Variants in CTNNBIP1 observed in about 807,000 individuals in gnomAD.
CTNNBIP1 encodes beta-catenin-interacting protein 1.
In CTNNBIP1, 7 loss-of-function variants were observed where a neutral mutation model predicts 11.8. The ratio of observed to expected loss-of-function variants is 0.60; its 90% CI spans 0.34 to 1.12. The LOEUF (loss-of-function observed/expected upper bound fraction) is 1.12. Ranked by LOEUF, CTNNBIP1 falls within the 50% of genes most tolerant of loss-of-function variation. CTNNBIP1 has a pLI of 0.03. For missense variants in CTNNBIP1, 101 were observed against 113.4 expected (o/e 0.89, Z 0.50); for synonymous variants, 58 against 43.9 (o/e 1.32, Z -1.26).
chr1:9,870,588 T>C (rs1638840394), intron 5 of CTNNBIP1, among the ~76,000 whole-genome samples: 2 of 152,212 alleles, frequency 1.3e-5, no homozygotes, highest in African/African-American at 4.8e-5. Context: ...CTACCTACAA[T>C]AGAATGAAAC....
intron 1 of CTNNBIP1, among the ~76,000 whole-genome samples, chr1:9,887,436 G>T (rs1384856915): frequency 2.0e-5 from 3 of 152,204 alleles, no homozygotes; most frequent in Non-Finnish European, 2.9e-5. Context: ...AAAAATGTGG[G>T]CCGGGCACAG....
At chr1:9,873,119 G>A (rs1333090892) in intron 3 of CTNNBIP1, among the ~76,000 whole-genome samples, 1 of 152,148 alleles carries the variant, frequency 6.6e-6, no homozygotes, top group Non-Finnish European at 1.5e-5. Flanking sequence ...CCAGAGCCCG[G>A]GCAGCAGCCT....
At chr1:9,897,331 G>A (rs1450726245) in intron 1 of CTNNBIP1, among the ~76,000 whole-genome samples, 1 of 152,146 alleles carries the variant, frequency 6.6e-6, no homozygotes, top group Admixed American at 6.5e-5. Context: ...GCGGGTGCCT[G>A]TAGTCCCAGC....
chr1:9,886,130 C>T (rs888596768), intron 1 of CTNNBIP1, among the ~76,000 whole-genome samples: 2 of 151,316 alleles, frequency 1.3e-5, no homozygotes, highest in Non-Finnish European at 1.5e-5. Flanking sequence ...CTCAGCTTCT[C>T]GCCTCTTCTC....
In CTNNBIP1 at chr1:9,851,599, C is replaced by T. The variant is rs1420116628; in HGVS notation, c.188-823G>A. Among the ~76,000 whole-genome samples, 2 of 152,200 alleles carry T rather than the reference C, an allele frequency of 1.3e-5. No individual in the cohort carries two copies. The highest frequency in any genetic ancestry group is 4.8e-5 in the African/African-American group (2 of 41,444). The stretch of plus-strand genomic sequence containing the variant: ...TGTTGGTCAGGCTGGTCTCAAACTC[C>T]TGACCTCATGATCCACCCACCTCGG... On this transcript the variant is annotated intron_variant, in intron 5 of 5. Transcript: ENST00000377263. The surrounding 1 kb of genome is among the most constrained non-coding windows in gnomAD (Gnocchi z 4.8).
At position 9,881,037 on chromosome 1, in the gene CTNNBIP1, C is replaced by CT. The variant is rs202036809; in HGVS notation, c.-110+2667dup. Among the ~76,000 whole-genome samples the CT allele has an allele frequency of 2.9e-3, 442 of 151,582 alleles. 3 individuals are homozygous for CT. The highest frequency in any genetic ancestry group is 9.8e-3 in the African/African-American group (405 of 41,334). On this transcript the variant is annotated intron_variant, in intron 2 of 5. Transcript: ENST00000377263. ...GTTCTACTCTCACCATCTTTAAATT[C>CT]TTTTTTTTTCTTTTGAGAGAGAGGG...
rs1639120982 is a variant in CTNNBIP1 at position 9,883,288 on chromosome 1, G to C, written c.-110+417C>G. Among the ~76,000 whole-genome samples, 1 of 152,234 alleles carries C rather than the reference G, an allele frequency of 6.6e-6. No individual in the cohort carries two copies. The highest frequency in any genetic ancestry group is 1.5e-5 in the Non-Finnish European group (1 of 68,036). On this transcript the variant is annotated intron_variant, in intron 2 of 5. Coordinates refer to ENST00000377263, the MANE Select transcript of CTNNBIP1 (RefSeq NM_020248.3). The surrounding 1 kb of genome is among the most constrained non-coding windows in gnomAD (Gnocchi z 5.6). ...GAAGCCCTGTGTGAGATGTGTGGAA[G>C]GGCAGGTGGGACACCACAGGCAGGA...
intron 1 of CTNNBIP1, among the ~76,000 whole-genome samples, chr1:9,890,273 T>C (rs971517554): frequency 6.6e-6 from 1 of 152,090 alleles, no homozygotes; most frequent in African/African-American, 2.4e-5. Context: ...CCTGAGGAAG[T>C]TTCCTTGGCT....
chr1:9,905,410 T>G (rs1639596961), intron 1 of CTNNBIP1, among the ~76,000 whole-genome samples: 1 of 151,814 alleles, frequency 6.6e-6, no homozygotes, highest in South Asian at 2.1e-4. Context: ...CCCCCGTATC[T>G]CTTTCACCAC....
rs1229988746 is a variant in CTNNBIP1 at position 9,878,810 on chromosome 1, A to G, written c.-109-821T>C. ...GCTGGGGTGCAAGACCCAGTACCTCACATCTCCAAGGCATGTATCAATCAT... is the reference window on the plus strand; with the variant it reads ...GCTGGGGTGCAAGACCCAGTACCTCGCATCTCCAAGGCATGTATCAATCAT... On this transcript the variant is annotated intron_variant, in intron 2 of 5. Transcript: ENST00000377263. 2.0e-5 allele frequency among the ~76,000 whole-genome samples: 3 copies of G among 152,228 alleles called. No individual in the cohort carries two copies. In the East Asian group the frequency reaches 5.8e-4, roughly 29 times the overall value.
chr1:9,873,210 G>A (rs1181319653), intron 3 of CTNNBIP1, among the ~76,000 whole-genome samples: 1 of 152,156 alleles, frequency 6.6e-6, no homozygotes, highest in African/African-American at 2.4e-5. Flanking sequence ...TAAGCTAATA[G>A]CAGCTGCATG....
chr1:9,889,036 G>A lies in CTNNBIP1; in HGVS notation c.-143-5298C>T, dbSNP rs150794919. Among the ~76,000 whole-genome samples the A allele has an allele frequency of 1.6e-3, 245 of 152,296 alleles. 1 individual carries two copies. The highest frequency in any genetic ancestry group is 2.8e-3 in the Non-Finnish European group (190 of 68,018). On this transcript the variant is annotated intron_variant, in intron 1 of 5. Transcript: ENST00000377263. ...GAGGGAGGCGCCTGGAACCACTGGG[G>A]CATCCTCCTTTCTATGAAGGGGCTC...
intron 3 of CTNNBIP1, among the ~76,000 whole-genome samples, chr1:9,876,675 G>A (rs1421939376): frequency 6.6e-6 from 1 of 152,120 alleles, no homozygotes; most frequent in African/African-American, 2.4e-5. Context: ...CTATCCAAAT[G>A]AATGGTGAAG....
At chr1:9,886,355 G>C (rs1322620185) in intron 1 of CTNNBIP1, among the ~76,000 whole-genome samples, 1 of 151,882 alleles carries the variant, frequency 6.6e-6, no homozygotes, top group Non-Finnish European at 1.5e-5. Flanking sequence ...CCACCCACTA[G>C]ATGCCAGTAG....
At chr1:9,902,813 T>A (rs1639548026) in intron 1 of CTNNBIP1, among the ~76,000 whole-genome samples, 1 of 152,108 alleles carries the variant, frequency 6.6e-6, no homozygotes, top group African/African-American at 2.4e-5. Flanking sequence ...TTGCCCAGGC[T>A]GGAGTGCAAT....
chr1:9,905,773 ATCTGTC>A (rs966257628), intron 1 of CTNNBIP1, among the ~76,000 whole-genome samples: 89 of 152,164 alleles, frequency 5.8e-4, no homozygotes, highest in Middle Eastern at 3.4e-3. Context: ...TTTGTTTACT[ATCTGTC>A]TCTCCCACTA....
chr1:9,866,521 C>A (rs1211516025), intron 5 of CTNNBIP1, among the ~76,000 whole-genome samples: 1 of 151,954 alleles, frequency 6.6e-6, no homozygotes, highest in Non-Finnish European at 1.5e-5. Context: ...TGGTGAAACC[C>A]CGTCTCTAAT....
chr1:9,899,455 CAAAAAAAAAAAA>C (rs754593503), intron 1 of CTNNBIP1, among the ~76,000 whole-genome samples: 1,307 of 65,718 alleles, frequency 0.02, 40 homozygotes, highest in African/African-American at 0.051. Flanking sequence ...GACTCCATCT[CAAAAAAAAAAAA>C]AAAAAAAAAA....
chr1:9,870,076 A>T (rs60624175), intron 5 of CTNNBIP1, among the ~76,000 whole-genome samples: 34 of 152,326 alleles, frequency 2.2e-4, no homozygotes, highest in Admixed American at 2.2e-3. Context: ...CACACCCAGC[A>T]TCGGTGCTTG....
Sources: gnomAD v4.1 joint callset for allele counts (sites outside exome capture counted in the v4.1 genomes callset) on GRCh38, gnomAD v4.1.1 for gene constraint, Gnocchi (gnomAD v3.1) non-coding constraint, MANE v1.5 for transcripts, NCBI Gene and HGNC (gene_info 2026-07-23, HGNC 2026-07-21) for gene names.